The following SALL3 variants were observed in gnomAD, a reference collection of about 807,000 sequenced individuals.
SALL3 encodes the protein sal-like protein 3.
In SALL3, 25 loss-of-function variants were observed where a neutral mutation model predicts 66.2. The ratio of observed to expected loss-of-function variants is 0.38; its 90% confidence interval spans 0.28 to 0.53. The LOEUF is 0.53. Ranked by LOEUF, SALL3 falls within the 20% of genes least tolerant of loss-of-function variation. The pLI is 0.85. For synonymous variants in SALL3, 1,152 were observed against 899.1 expected (o/e 1.28, Z -5.03); for missense variants, 2,194 against 1,916.5 (o/e 1.14, Z -2.70).
At position 78,993,018 on chromosome 18, in the gene SALL3, C is replaced by A. The variant is rs755893543; in HGVS notation, c.1027C>A (p.Pro343Thr). The change falls in exon 2 of 3, where the codon CCG becomes ACG. Residue 343 changes from proline to threonine, a missense_variant. Pro to Thr is a conservative substitution (Grantham distance 38). Coordinates refer to ENST00000537592, the MANE Select transcript of SALL3 (RefSeq NM_171999.4). The part of the protein sequence containing the change: ...ASSQPQSAST[P>T]PALAPGSLLG... ...GTCGCAGCCGCAGAGCGCATCCACGCCGCCTGCCCTGGCCCCGGGGTCCCT... is the reference window on the plus strand; with the variant it reads ...GTCGCAGCCGCAGAGCGCATCCACGACGCCTGCCCTGGCCCCGGGGTCCCT... 1.3e-6 allele frequency: 2 copies of A among 1,537,072 alleles called. No individual in the cohort carries two copies. Among genetic ancestry groups the A allele is most frequent in the East Asian group, 2.4e-5 (1 of 41,972 alleles).
Position 78,993,573 on chromosome 18 carries a change from C to T in SALL3, c.1582C>T (p.Leu528=), listed in dbSNP as rs541503998. The change falls in exon 2 of 3, where the codon CTG becomes TTG. Residue 528 remains leucine (L), a synonymous_variant. Coordinates refer to ENST00000537592, the MANE Select transcript of SALL3 (RefSeq NM_171999.4). ...GCCCACCGTGCCCACGTCCGTGGGG[C>T]TGCAACTGCCGCCCACTGTCCCTGG... ...VLPTVPTSVG[L]QLPPTVPGAH... 3 of 1,589,442 alleles carry T rather than the reference C, an allele frequency of 1.9e-6. No individual in the cohort carries two copies. The South Asian group carries it at 3.4e-5, about 18-fold the overall frequency.
At chr18:78,980,565 A>T (rs919014094) in intron 1 of SALL3, among the ~76,000 whole-genome samples, 18 of 151,686 alleles carry the variant, frequency 1.2e-4, no homozygotes, top group African/African-American at 3.6e-4. Context: ...GTTGTGGGCG[A>T]AGTAAACTTG....
intron 1 of SALL3, among the ~76,000 whole-genome samples, chr18:78,990,075 T>C (rs540293335): frequency 6.6e-6 from 1 of 152,390 alleles, no homozygotes; most frequent in East Asian, 1.9e-4. Flanking sequence ...CTCTTTTTGT[T>C]CTTTGCCCTA....
At chr18:78,986,314 G>A (rs934212135) in intron 1 of SALL3, among the ~76,000 whole-genome samples, 10 of 152,230 alleles carry the variant, frequency 6.6e-5, no homozygotes, top group African/African-American at 1.2e-4. Context: ...TGGCGTCGAC[G>A]CGCGGGAGTG....
chr18:78,993,903 G>A lies in SALL3; in HGVS notation c.1912G>A (p.Ala638Thr), dbSNP rs770758610. The A allele has an allele frequency of 3.1e-6, 5 of 1,591,998 alleles. No individual in the cohort carries two copies. Among genetic ancestry groups the A allele is most frequent in the African/African-American group, 2.7e-5 (2 of 74,386 alleles). ...PTSLGSPGLP[A>T]VSEQFKAQFP... ...GAGCCTCGGCAGCCCCGGGCTGCCC[G>A]CCGTCTCCGAGCAGTTCAAGGCCCA... The change falls in exon 2 of 3, where the codon GCC becomes ACC. Residue 638 changes from alanine (A) to threonine (T), a missense_variant. Transcript: ENST00000537592.
intron 1 of SALL3, among the ~76,000 whole-genome samples, chr18:78,990,933 C>G (rs1011088377): frequency 4.6e-5 from 7 of 152,134 alleles, no homozygotes; most frequent in African/African-American, 1.7e-4. Context: ...TTTATTTGAT[C>G]AGGTGTGAAT....
intron 1 of SALL3, among the ~76,000 whole-genome samples, chr18:78,986,230 A>T (rs577917189): frequency 3.3e-5 from 5 of 152,180 alleles, no homozygotes; most frequent in African/African-American, 1.2e-4. Context: ...AAAAACTGCA[A>T]ATGTTTTAAG....
In SALL3 at chr18:78,992,993, G is replaced by A. The variant is rs763906287; in HGVS notation, c.1002G>A (p.Ser334=). Residue 334 remains serine, a synonymous_variant, in exon 2 of 3, where the codon TCG becomes TCA. Transcript: ENST00000537592. The part of the protein sequence containing the change: ...APAPAPQSAA[S]SQPQSASTPP... ...CGCCAGCGCCGCAGAGCGCAGCCTC[G>A]TCGCAGCCGCAGAGCGCATCCACGC... 181 of 1,452,988 alleles carry A rather than the reference G, an allele frequency of 1.2e-4. No homozygotes were observed. Among genetic ancestry groups the A allele is most frequent in the Non-Finnish European group, 1.5e-4 (170 of 1,112,570 alleles). 90.0% of individuals were successfully genotyped at this position (1,452,988 alleles called of 1,614,324 possible).
chr18:78,984,625 T>TAA (rs34822006), intron 1 of SALL3, among the ~76,000 whole-genome samples: 15 of 147,824 alleles, frequency 1.0e-4, no homozygotes, highest in Non-Finnish European at 1.9e-4. Flanking sequence ...AACTTTTATT[T>TAA]AAAAAAAAAA....
At position 78,993,744 on chromosome 18, in the gene SALL3, C is replaced by A; in HGVS notation, c.1753C>A (p.Gln585Lys). Reference protein sequence around the residue: ...SGVSATAESPQSLLGGPPLTK... With the variant: ...SGVSATAESPKSLLGGPPLTK... ...CGTGTCGGCCACCGCCGAGTCCCCA[C>A]AGTCGCTCCTCGGCGGGCCGCCCCT... Residue 585 changes from glutamine (Q) to lysine (K), a missense_variant, in exon 2 of 3, where the codon CAG becomes AAG. Gln to Lys is a moderately conservative substitution (Grantham distance 53, BLOSUM62 1). Coordinates refer to ENST00000537592, the MANE Select transcript of SALL3 (RefSeq NM_171999.4). 1.3e-6 allele frequency: 2 copies of A among 1,550,806 alleles called. No homozygotes were observed. The highest frequency in any genetic ancestry group is 1.7e-6 in the Non-Finnish European group (2 of 1,157,204).
rs1914568306 is a variant in SALL3, at chr18:78,993,777, G to A, written c.1786G>A (p.Ala596Thr). The A allele has an allele frequency of 6.4e-7, 1 of 1,550,642 alleles. No homozygotes were observed. The highest frequency in any genetic ancestry group is 8.6e-7 in the Non-Finnish European group (1 of 1,156,752). ...SLLGGPPLTKAEPVSLPCTNA... is the reference protein window; with the variant it reads ...SLLGGPPLTKTEPVSLPCTNA... ...CCTCGGCGGGCCGCCCCTCACTAAA[G>A]CCGAGCCCGTCAGCCTGCCCTGCAC... The change falls in exon 2 of 3, where the codon GCC becomes ACC. Residue 596 changes from alanine (A) to threonine (T), a missense_variant. Transcript: ENST00000537592.
At chr18:78,987,287 AACAG>A (rs1481659592) in intron 1 of SALL3, among the ~76,000 whole-genome samples, 2 of 152,234 alleles carry the variant, frequency 1.3e-5, no homozygotes, top group Non-Finnish European at 2.9e-5. Flanking sequence ...GAAGACCAAA[AACAG>A]ACAGTCTGAG....
Position 78,992,417 on chromosome 18 carries a change from G to A in SALL3, c.426G>A (p.Thr142=). The A allele has an allele frequency of 7.5e-7, 1 of 1,332,846 alleles. No homozygotes were observed. The highest frequency in any genetic ancestry group is 9.5e-7 in the Non-Finnish European group (1 of 1,049,960). The allele number at this position is 1,332,846 out of a possible 1,614,324, so 82.6% of individuals were successfully genotyped here. ...TGGACGCGGAACCCGCGGGGGACACGCGCGCGCCCCGGCCCCCGCCTGCGG... is the reference window on the plus strand; with the variant it reads ...TGGACGCGGAACCCGCGGGGGACACACGCGCGCCCCGGCCCCCGCCTGCGG... ...EPMDAEPAGD[T]RAPRPPPAAP... is the part of the protein sequence containing the mutation. The change falls in exon 2 of 3, where the codon ACG becomes ACA. Residue 142 remains threonine (T), a synonymous_variant. Coordinates refer to ENST00000537592, the MANE Select transcript of SALL3 (RefSeq NM_171999.4).
intron 1 of SALL3, among the ~76,000 whole-genome samples, chr18:78,991,168 A>G (rs1914419337): frequency 6.6e-6 from 1 of 152,184 alleles, no homozygotes. Flanking sequence ...AACATAAATG[A>G]ACTTTAAATA....
rs879325879 is a variant in SALL3 at position 78,995,076 on chromosome 18, T to C, written c.3085T>C (p.Leu1029=). ...NLKQHLLTHR[L]KELPSQLFDP... ...AAAACAGCACTTACTGACACACAGA[T>C]TGAAAGAGCTGCCTTCTCAGTTATT... is the stretch of plus-strand genomic sequence containing the variant. Residue 1029 remains leucine, a synonymous_variant, in exon 2 of 3, where the codon TTG becomes CTG. Coordinates refer to ENST00000537592, the MANE Select transcript of SALL3 (RefSeq NM_171999.4). The C allele has an allele frequency of 6.2e-7, 1 of 1,613,742 alleles. No homozygotes were observed. Among genetic ancestry groups the C allele is most frequent in the African/African-American group, 1.3e-5 (1 of 74,934 alleles).
At chr18:78,991,092 A>G (rs1914416843) in intron 1 of SALL3, among the ~76,000 whole-genome samples, 1 of 152,234 alleles carries the variant, frequency 6.6e-6, no homozygotes, top group Non-Finnish European at 1.5e-5. Context: ...TAAGTCTTCT[A>G]TGAGAATAGA....
At chr18:78,981,300 G>C (rs913447235) in intron 1 of SALL3, among the ~76,000 whole-genome samples, 4 of 152,190 alleles carry the variant, frequency 2.6e-5, no homozygotes, top group African/African-American at 9.6e-5. Flanking sequence ...GGGGCCCCCA[G>C]GGCGCCAGGA....
intron 2 of SALL3, 104 bp from the exon 3 acceptor site, chr18:78,996,787 G>A (rs960199292): frequency 4.0e-5 from 47 of 1,171,444 alleles, no homozygotes; most frequent in African/African-American, 1.2e-4. Flanking sequence ...TCCGTAAGTC[G>A]CGCTTGGGAG....
At chr18:78,986,277 G>C (rs970127593) in intron 1 of SALL3, among the ~76,000 whole-genome samples, 11 of 152,210 alleles carry the variant, frequency 7.2e-5, no homozygotes, top group Non-Finnish European at 1.6e-4. Flanking sequence ...AGGTGGTCGT[G>C]ACTTAACAAA....
Sources: allele counts gnomAD v4.1 joint callset (sites outside exome capture counted in the v4.1 genomes callset), GRCh38; gene constraint gnomAD v4.1.1; transcripts MANE v1.5; gene names NCBI Gene and HGNC (gene_info 2026-07-23, HGNC 2026-07-21).